Variants in MTMR2 observed in about 807,000 individuals in gnomAD.
MTMR2 encodes myotubularin related protein 2.
Under a neutral mutation model 86.9 loss-of-function variants are expected in MTMR2, and 55 were observed. The ratio of observed to expected loss-of-function variants is 0.63; its 90% confidence interval spans 0.51 to 0.79. MTMR2 has a LOEUF of 0.79. MTMR2 is among the 30% of genes least tolerant of loss of function. MTMR2 has a pLI of 0.00. For missense variants in MTMR2, 659 were observed against 772.3 expected, an observed-to-expected ratio of 0.85 and a Z score of 1.74; for synonymous variants, 241 against 266.8, an observed-to-expected ratio of 0.90 and a Z score of 0.94.
rs1280017748 is a variant in MTMR2, at chr11:95,858,576, T to A, written c.525A>T (p.Ile175=). The change falls in exon 6 of 15, where the codon ATA becomes ATT. Residue 175 remains isoleucine, a synonymous_variant. Coordinates refer to ENST00000346299, the MANE Select transcript of MTMR2 (RefSeq NM_016156.6). ...HKPEGRTRRS[I]FENLMKYAFP... ...ATGCATATTTCATTAGATTCTCAAA[T>A]ATGGATCTTCTTGTCCGCCCCTCAG... 6.2e-7 allele frequency: 1 copy of A among 1,612,978 alleles called. No individual in the cohort carries two copies. The highest frequency in any genetic ancestry group is 1.3e-5 in the African/African-American group (1 of 74,908).
chr11:95,922,324 G>A (rs1041418886), intron 1 of MTMR2, among the ~76,000 whole-genome samples: 2 of 152,106 alleles, frequency 1.3e-5, no homozygotes, highest in African/African-American at 4.8e-5. Flanking sequence ...TGAGAGTACT[G>A]GTTGCCTCTT....
At chr11:95,850,486 A>G in intron 8 of MTMR2, 114 bp downstream of exon 8, 5 of 1,103,754 alleles carry the variant, frequency 4.5e-6, no homozygotes, top group Non-Finnish European at 6.9e-6. Flanking sequence ...TATCCCCATG[A>G]AAGACCTGCT....
At chr11:95,917,779 G>T (rs900458168) in intron 1 of MTMR2, among the ~76,000 whole-genome samples, 3 of 152,172 alleles carry the variant, frequency 2.0e-5, no homozygotes, top group African/African-American at 7.2e-5. Context: ...TCATCATGTT[G>T]CACATGCTGA....
At position 95,881,979 on chromosome 11, in the gene MTMR2, A is replaced by AT. The variant is rs200019936; in HGVS notation, c.186+6176dup. Among the ~76,000 whole-genome samples, 308 of 152,154 alleles carry AT rather than the reference A, an allele frequency of 2.0e-3. 4 individuals carry two copies. Among genetic ancestry groups the AT allele is most frequent in the African/African-American group, 6.9e-3 (286 of 41,510 alleles). On this transcript the variant is annotated intron_variant, in intron 2 of 14. Transcript: ENST00000346299. ...GATACCCTTTATCGGGCTAAGGTTGATTTTTTTCAATTCCTAGGTTCTTAA... is the reference window on the plus strand; with the variant it reads ...GATACCCTTTATCGGGCTAAGGTTGATTTTTTTTCAATTCCTAGGTTCTTAA...
intron 2 of MTMR2, among the ~76,000 whole-genome samples, chr11:95,873,654 C>T: frequency 6.9e-6 from 1 of 144,106 alleles, no homozygotes; most frequent in Non-Finnish European, 1.5e-5. Flanking sequence ...TGAATGTTTG[C>T]TCTTGCTTCT....
At chr11:95,887,148 A>G (rs113195498) in intron 2 of MTMR2, among the ~76,000 whole-genome samples, 4,733 of 152,300 alleles carry the variant, frequency 0.031, 131 homozygotes, top group South Asian at 0.073. Flanking sequence ...TTTGACAATG[A>G]AATGGATGAA....
At chr11:95,839,400 C>T (rs2135410979) in intron 12 of MTMR2, among the ~76,000 whole-genome samples, 1 of 152,134 alleles carries the variant, frequency 6.6e-6, no homozygotes, top group South Asian at 2.1e-4. Flanking sequence ...AATATGAATG[C>T]ATCCTGAATC....
At chr11:95,886,572 G>A (rs1400230420) in intron 2 of MTMR2, among the ~76,000 whole-genome samples, 1 of 152,070 alleles carries the variant, frequency 6.6e-6, no homozygotes, top group Admixed American at 6.5e-5. Flanking sequence ...TGTATGTCGA[G>A]TTAAGTAGTT....
At chr11:95,860,108 A>G (rs2135468696) in intron 5 of MTMR2, among the ~76,000 whole-genome samples, 1 of 152,306 alleles carries the variant, frequency 6.6e-6, no homozygotes, top group East Asian at 1.9e-4. Context: ...CTTATATTCT[A>G]TGCACTACTT....
Position 95,857,615 on chromosome 11 carries a change from G to A in MTMR2, c.591C>T (p.Tyr197=). The A allele has an allele frequency of 6.2e-7, 1 of 1,611,704 alleles. No homozygotes were observed. The highest frequency in any genetic ancestry group is 1.1e-5 in the South Asian group (1 of 91,004). The part of the protein sequence containing the change: ...SNNLPLFAFE[Y]KEVFPENGWK... ...ACCCATTTTCAGGGAATACTTCTTT[G>A]TATTCAAAAGCAAAAAGAGGCTACA... The change falls in exon 7 of 15, where the codon TAC becomes TAT. Residue 197 remains tyrosine, a synonymous_variant. Transcript: ENST00000346299.
chr11:95,890,926 T>C (rs1208696031), intron 1 of MTMR2, among the ~76,000 whole-genome samples: 4 of 152,140 alleles, frequency 2.6e-5, no homozygotes, highest in Non-Finnish European at 5.9e-5. Flanking sequence ...ACTTAAATTT[T>C]TTAAATCACT....
chr11:95,843,958 GT>G (rs1732967083), intron 11 of MTMR2, among the ~76,000 whole-genome samples: 1 of 152,102 alleles, frequency 6.6e-6, no homozygotes, highest in African/African-American at 2.4e-5. Context: ...AAACCAAAAA[GT>G]TTGAGAATCA....
chr11:95,851,675 T>C (rs1043964736), intron 7 of MTMR2, among the ~76,000 whole-genome samples: 1 of 152,218 alleles, frequency 6.6e-6, no homozygotes, highest in Non-Finnish European at 1.5e-5. Flanking sequence ...TTGCCATTCA[T>C]CTATACAAAT....
intron 2 of MTMR2, among the ~76,000 whole-genome samples, chr11:95,880,089 A>G (rs746096095): frequency 3.3e-5 from 5 of 151,806 alleles, no homozygotes; most frequent in Non-Finnish European, 5.9e-5. Context: ...TATAATTCTT[A>G]TATATAAATT....
intron 1 of MTMR2, among the ~76,000 whole-genome samples, chr11:95,899,008 A>T (rs1307498646): frequency 1.3e-5 from 2 of 152,188 alleles, no homozygotes; most frequent in Non-Finnish European, 2.9e-5. Flanking sequence ...TGGATTACAG[A>T]GTAGAAAGTG....
chr11:95,864,843 T>A (rs1037039346), intron 3 of MTMR2, among the ~76,000 whole-genome samples: 1 of 150,676 alleles, frequency 6.6e-6, no homozygotes, highest in Non-Finnish European at 1.5e-5. Flanking sequence ...CAAGTAAAAT[T>A]CAGCATTTTT....
intron 2 of MTMR2, among the ~76,000 whole-genome samples, chr11:95,873,424 GT>G (rs1335624046): frequency 6.6e-6 from 1 of 152,164 alleles, no homozygotes; most frequent in African/African-American, 2.4e-5. Context: ...TCTGATGGTA[GT>G]TTGTATTTCT....
intron 7 of MTMR2, among the ~76,000 whole-genome samples, chr11:95,855,626 CT>C (rs1166825218): frequency 6.8e-6 from 1 of 146,942 alleles, no homozygotes; most frequent in African/African-American, 2.5e-5. Context: ...ATGAATGTAG[CT>C]TTCATTTTTT....
chr11:95,896,696 A>G (rs1591033454), intron 1 of MTMR2, among the ~76,000 whole-genome samples: 1 of 152,108 alleles, frequency 6.6e-6, no homozygotes, highest in East Asian at 1.9e-4. Context: ...AACATGCAAG[A>G]TAAAACAAAA....
Sources: allele counts gnomAD v4.1 joint callset (sites outside exome capture counted in the v4.1 genomes callset), GRCh38; gene constraint gnomAD v4.1.1; transcripts MANE v1.5; gene names NCBI Gene and HGNC (gene_info 2026-07-23, HGNC 2026-07-21).